The following PDZRN3 variants were observed in gnomAD, a reference collection of about 807,000 sequenced individuals.
The protein encoded by PDZRN3 is E3 ubiquitin-protein ligase PDZRN3.
Under a neutral mutation model 85.7 loss-of-function variants are expected in PDZRN3, and 38 were observed. The ratio of observed to expected loss-of-function variants is 0.44; its 90% confidence interval spans 0.34 to 0.58. The LOEUF (loss-of-function observed/expected upper bound fraction) is 0.58. Ranked by LOEUF, PDZRN3 falls within the 20% of genes least tolerant of loss-of-function variation. The pLI is 0.01. For missense variants in PDZRN3, 1,629 were observed against 1,506.4 expected, an observed-to-expected ratio of 1.08 and a Z score of -1.35; for synonymous variants, 759 against 638.0, an observed-to-expected ratio of 1.19 and a Z score of -2.86.
At chr3:73,592,152 T>C (rs1702365250) in intron 3 of PDZRN3, among the ~76,000 whole-genome samples, 1 of 152,202 alleles carries the variant, frequency 6.6e-6, no homozygotes. Context: ...TTTTTGGATG[T>C]GCGTTGCATT....
chr3:73,551,168 G>T (rs1033345188), intron 3 of PDZRN3, among the ~76,000 whole-genome samples: 1 of 152,154 alleles, frequency 6.6e-6, no homozygotes, highest in South Asian at 2.1e-4. Flanking sequence ...GTTTAATTTT[G>T]TCACTCCTGT....
intron 3 of PDZRN3, among the ~76,000 whole-genome samples, chr3:73,571,189 G>A (rs2106851321): frequency 6.6e-6 from 1 of 152,218 alleles, no homozygotes; most frequent in East Asian, 1.9e-4. Flanking sequence ...TCTCTACCAT[G>A]TTTTCCATAA....
rs1702652389 is a variant in PDZRN3 at position 73,609,535 on chromosome 3, T to C, written c.724-851A>G. Among the ~76,000 whole-genome samples, 11 of 152,316 alleles carry C rather than the reference T, an allele frequency of 7.2e-5. 1 individual carries two copies. The South Asian group carries it at 2.3e-3, about 32-fold the overall frequency. Reference sequence around the variant, plus strand: ...AAACATTCAACTCGCTGATACACCTTTGACAGTTTTCAATTATATGGATGA... The same window carrying C: ...AAACATTCAACTCGCTGATACACCTCTGACAGTTTTCAATTATATGGATGA... On this transcript the variant is annotated intron_variant, in intron 1 of 9. Transcript: ENST00000263666.
chr3:73,527,648 T>C, intron 3 of PDZRN3, among the ~76,000 whole-genome samples: 1 of 152,162 alleles, frequency 6.6e-6, no homozygotes, highest in African/African-American at 2.4e-5. Context: ...AATAAAGTTG[T>C]TTCAGGGAAA....
intron 3 of PDZRN3, among the ~76,000 whole-genome samples, chr3:73,597,585 C>G (rs1169744044): frequency 2.6e-5 from 4 of 152,076 alleles, no homozygotes; most frequent in Non-Finnish European, 5.9e-5. Context: ...TCACCAAAGG[C>G]AAGCCTCCTG....
At chr3:73,408,715 C>T (rs1373430165) in intron 3 of PDZRN3, among the ~76,000 whole-genome samples, 1 of 152,008 alleles carries the variant, frequency 6.6e-6, no homozygotes, top group East Asian at 1.9e-4. Context: ...GTTTACTATC[C>T]TAGACGATCC....
chr3:73,486,272 G>A (rs1703659423), intron 3 of PDZRN3, among the ~76,000 whole-genome samples: 1 of 152,114 alleles, frequency 6.6e-6, no homozygotes, highest in Admixed American at 6.5e-5. Context: ...AAGTTCTATG[G>A]CCTGTGTAAG....
intron 1 of PDZRN3, among the ~76,000 whole-genome samples, chr3:73,616,149 T>C (rs759676601): frequency 6.6e-6 from 1 of 152,216 alleles, no homozygotes; most frequent in Non-Finnish European, 1.5e-5. Context: ...ACATGCAGGC[T>C]AGTCTTTGCC....
At chr3:73,500,961 C>G (rs1435617297) in intron 3 of PDZRN3, among the ~76,000 whole-genome samples, 4 of 152,096 alleles carry the variant, frequency 2.6e-5, no homozygotes, top group Non-Finnish European at 4.4e-5. Flanking sequence ...ACGTGCAAGT[C>G]TGGTCTCCCA....
chr3:73,445,716 A>G (rs1197811147), intron 3 of PDZRN3, among the ~76,000 whole-genome samples: 1 of 152,244 alleles, frequency 6.6e-6, no homozygotes. Flanking sequence ...GAGCCGGGTA[A>G]GAACTACTGA....
At chr3:73,452,251 T>G (rs955929894) in intron 3 of PDZRN3, among the ~76,000 whole-genome samples, 1 of 152,096 alleles carries the variant, frequency 6.6e-6, no homozygotes, top group African/African-American at 2.4e-5. Context: ...AAAGGCACTG[T>G]CAAGGTGGTA....
At chr3:73,447,620 G>C (rs1363966283) in intron 3 of PDZRN3, among the ~76,000 whole-genome samples, 1 of 152,154 alleles carries the variant, frequency 6.6e-6, no homozygotes, top group African/African-American at 2.4e-5. Context: ...AGAGCTTGTT[G>C]TAAGTCCTCC....
intron 3 of PDZRN3, among the ~76,000 whole-genome samples, chr3:73,528,756 T>C (rs749418437): frequency 4.6e-5 from 7 of 152,072 alleles, no homozygotes; most frequent in African/African-American, 9.7e-5. Context: ...GGACTGGATA[T>C]TGGTAAAGAA....
At chr3:73,476,844 C>G (rs373579638) in intron 3 of PDZRN3, among the ~76,000 whole-genome samples, 1 of 152,176 alleles carries the variant, frequency 6.6e-6, no homozygotes, top group African/African-American at 2.4e-5. Flanking sequence ...CTCAGCTGAG[C>G]CTTCAGATGA....
chr3:73,492,329 A>G (rs747300129), intron 3 of PDZRN3, among the ~76,000 whole-genome samples: 6 of 152,124 alleles, frequency 3.9e-5, no homozygotes, highest in Admixed American at 6.5e-5. Flanking sequence ...GGAGTAGCTT[A>G]TATCATAGGC....
rs573734220 is a variant in PDZRN3 at position 73,382,612 on chromosome 3, C to A, written c.*753G>T. On this transcript the variant is annotated 3_prime_UTR_variant, in exon 10 of 10. Transcript: ENST00000263666. ...AAATCTACAAAGCAAAAGTTTACTA[C>A]AATGAGCACTTAAAATTCCACAAAC... 1 of 152,772 alleles carries A rather than the reference C, an allele frequency of 6.5e-6. No homozygotes were observed. Among genetic ancestry groups the A allele is most frequent in the African/African-American group, 2.4e-5 (1 of 41,582 alleles). The allele number at this position is 152,772 out of a possible 1,614,324, so 9.5% of individuals were successfully genotyped here.
At chr3:73,438,750 G>T (rs1019693603) in intron 3 of PDZRN3, among the ~76,000 whole-genome samples, 1 of 152,100 alleles carries the variant, frequency 6.6e-6, no homozygotes, top group Admixed American at 6.6e-5. Flanking sequence ...ACTACTGTTC[G>T]CCGGGCTAGA....
At chr3:73,437,083 G>C (rs920841557) in intron 3 of PDZRN3, among the ~76,000 whole-genome samples, 1 of 150,100 alleles carries the variant, frequency 6.7e-6, no homozygotes, top group Non-Finnish European at 1.5e-5. Flanking sequence ...GAACCTCAAG[G>C]ACTGTTGTTT....
chr3:73,605,590 T>C (rs1702588117), intron 2 of PDZRN3, among the ~76,000 whole-genome samples: 1 of 152,224 alleles, frequency 6.6e-6, no homozygotes, highest in Admixed American at 6.5e-5. Flanking sequence ...ACCAAGCATC[T>C]AACACAGGAA....
Sources: gnomAD v4.1 joint callset for allele counts (sites outside exome capture counted in the v4.1 genomes callset) on GRCh38, gnomAD v4.1.1 for gene constraint, MANE v1.5 for transcripts, NCBI Gene and HGNC (gene_info 2026-07-23, HGNC 2026-07-21) for gene names.